ZNF652: variants seen among roughly 807,000 people sequenced by gnomAD.
ZNF652 encodes the protein zinc finger protein 652.
In ZNF652, 16 loss-of-function variants were observed where a neutral mutation model predicts 45.2. That is an observed-to-expected ratio of 0.35 (90% CI 0.24 to 0.54). The LOEUF (loss-of-function observed/expected upper bound fraction) is 0.54. Ranked by LOEUF, ZNF652 falls within the 20% of genes least tolerant of loss-of-function variation. The pLI, the probability that ZNF652 is intolerant of heterozygous loss-of-function variation, is 0.91. For missense variants in ZNF652, 614 were observed against 765.6 expected (o/e 0.80, Z 2.34); for synonymous variants, 250 against 260.6 (o/e 0.96, Z 0.39).
chr17:49,320,074 C>T (rs550788188), intron 1 of ZNF652, among the ~76,000 whole-genome samples: 6 of 151,988 alleles, frequency 3.9e-5, no homozygotes, highest in African/African-American at 7.2e-5. Flanking sequence ...TCAGATATTA[C>T]CTTGTCTTTC....
At chr17:49,358,437 T>C (rs553348602) in intron 1 of ZNF652, among the ~76,000 whole-genome samples, 13 of 152,314 alleles carry the variant, frequency 8.5e-5, no homozygotes, top group African/African-American at 2.9e-4. Flanking sequence ...ATAACAAGTT[T>C]TAAAGGCTAT....
chr17:49,311,242 A>G, intron 5 of ZNF652, 70 bp downstream of exon 5: 3 of 1,467,382 alleles, frequency 2.0e-6, no homozygotes, highest in Non-Finnish European at 1.8e-6. Flanking sequence ...TTTTTTTAAA[A>G]AACAGACCCA....
Position 49,298,434 on chromosome 17 carries a change from G to A in ZNF652, c.1800C>T (p.Asn600=), listed in dbSNP as rs1555624705. The change falls in exon 6 of 6, where the codon AAC becomes AAT. Residue 600 remains asparagine, a synonymous_variant. Coordinates refer to ENST00000430262, the MANE Select transcript of ZNF652 (RefSeq NM_001145365.3). ...GATGTTAATGATGCTGTGCTGAACT[G>A]TTCTTCTCTGCCAGGTGCCGCAGAA... The part of the protein sequence containing the change: ...DNFLRHLAEK[N]SSAQHH 3 of 1,612,820 alleles carry A rather than the reference G, an allele frequency of 1.9e-6. No homozygotes were observed. The highest frequency in any genetic ancestry group is 3.3e-5 in the Admixed American group (2 of 60,010).
chr17:49,323,435 G>A (rs530541402), intron 1 of ZNF652, among the ~76,000 whole-genome samples: 1 of 152,294 alleles, frequency 6.6e-6, no homozygotes, highest in Non-Finnish European at 1.5e-5. Flanking sequence ...AGTCATCCAT[G>A]AGGCTTGGAA....
chr17:49,352,984 T>C (rs2070298295), intron 1 of ZNF652, among the ~76,000 whole-genome samples: 1 of 152,086 alleles, frequency 6.6e-6, no homozygotes, highest in African/African-American at 2.4e-5. Flanking sequence ...ATGAGTGCAA[T>C]GGGACAGTGG....
rs75128743 is a variant in ZNF652, at chr17:49,292,730, G to A, written c.*5683C>T. Among the ~76,000 whole-genome samples, 1,180 of 152,230 alleles carry A rather than the reference G, an allele frequency of 7.8e-3. 22 individuals carry two copies. Among genetic ancestry groups the A allele is most frequent in the African/African-American group, 0.025 (1,031 of 41,524 alleles). The stretch of plus-strand genomic sequence containing the variant: ...AATTTCTGGTGAAAGTAAAAAAAGT[G>A]AAGAGTCAAATAAGGATAAAATCTT... On this transcript the variant is annotated 3_prime_UTR_variant, in exon 6 of 6. Coordinates refer to ENST00000430262, the MANE Select transcript of ZNF652 (RefSeq NM_001145365.3).
chr17:49,347,022 C>G (rs1386420521), intron 1 of ZNF652, among the ~76,000 whole-genome samples: 2 of 152,204 alleles, frequency 1.3e-5, no homozygotes, highest in Non-Finnish European at 2.9e-5. Flanking sequence ...AAATGCCTAT[C>G]TGGCAAAGAT....
intron 1 of ZNF652, among the ~76,000 whole-genome samples, chr17:49,346,588 A>C (rs2070207584): frequency 6.6e-6 from 1 of 152,156 alleles, no homozygotes. Flanking sequence ...ATAGGGCCAC[A>C]TGTTTGTAAA....
In ZNF652 at chr17:49,292,456, CAG is replaced by C. The variant is rs2069416208; in HGVS notation, c.*5955_*5956del. Reference sequence around the variant, plus strand: ...GATGAAAACAGCTAGAAAAAGTAAACAGAAGTTTTTGAGGGACAGGGCCATGA... The same window carrying C: ...GATGAAAACAGCTAGAAAAAGTAAACAAGTTTTTGAGGGACAGGGCCATGA... On this transcript the variant is annotated 3_prime_UTR_variant, in exon 6 of 6. Transcript: ENST00000430262. 6.6e-6 allele frequency among the ~76,000 whole-genome samples: 1 copy of C among 152,166 alleles called. No homozygotes were observed. The highest frequency in any genetic ancestry group is 2.1e-4 in the South Asian group (1 of 4,824).
rs553708327 is a variant in ZNF652 at position 49,318,304 on chromosome 17, T to C, written c.-258-321A>G. 2.6e-4 allele frequency among the ~76,000 whole-genome samples: 39 copies of C among 152,198 alleles called. 1 individual carries two copies. The South Asian group carries it at 7.9e-3, about 31-fold the overall frequency. On this transcript the variant is annotated intron_variant, in intron 1 of 5. Transcript: ENST00000430262. ...TCTTGGCCAGGCTGGTCTTGAACTA[T>C]TGACCTTGTGATCCACCTGTCTGGG...
At chr17:49,359,590 C>A (rs1478056563) in intron 1 of ZNF652, among the ~76,000 whole-genome samples, 1 of 152,170 alleles carries the variant, frequency 6.6e-6, no homozygotes, top group Non-Finnish European at 1.5e-5. Context: ...ACTACCCATT[C>A]CAACACTATC....
chr17:49,342,649 C>A (rs895910830), intron 1 of ZNF652, among the ~76,000 whole-genome samples: 1 of 148,612 alleles, frequency 6.7e-6, no homozygotes, highest in Non-Finnish European at 1.5e-5. Flanking sequence ...TATGAACACA[C>A]ATGTGTATCA....
intron 1 of ZNF652, among the ~76,000 whole-genome samples, chr17:49,350,356 T>C (rs577642052): frequency 5.9e-5 from 9 of 151,910 alleles, no homozygotes; most frequent in Admixed American, 2.0e-4. Flanking sequence ...CTGGCCAACA[T>C]GGCAAAATCC....
At chr17:49,350,992 TATATATATATATATATATATATACAC>T (rs71144598) in intron 1 of ZNF652, among the ~76,000 whole-genome samples, 1 of 20,016 alleles carries the variant, frequency 5.0e-5, no homozygotes, top group African/African-American at 2.3e-4. Flanking sequence ...TATATATATA[TATATATATATATATATATATATACAC>T]ACACACACAC....
rs2069719228 is a variant in ZNF652, at chr17:49,312,028, T to C, written c.1063A>G (p.Met355Val). 14 of 1,613,498 alleles carry C rather than the reference T, an allele frequency of 8.7e-6. No homozygotes were observed. The highest frequency in any genetic ancestry group is 1.0e-5 in the Non-Finnish European group (12 of 1,179,508). ...CCACAGGTTTCGCATGTAAATGGCA[T>C]GTCTTTTGTGTGTGCTGCAACACAG... ...RKHMVAHTKD[M>V]PFTCETCGKS... is the part of the protein sequence containing the mutation. Residue 355 changes from methionine to valine, a missense_variant, in exon 4 of 6, where the codon ATG becomes GTG. By Grantham distance (21) the Met-to-Val change is conservative (BLOSUM62 1). Around this residue, in one of 5 missense-constraint regions of ZNF652, gnomAD observed 262 missense variants for 306.3 expected, o/e 0.86. Coordinates refer to ENST00000430262, the MANE Select transcript of ZNF652 (RefSeq NM_001145365.3).
In ZNF652 at chr17:49,362,139, AGCGCGCGAGG is replaced by A. The variant is rs2070405931; in HGVS notation, c.-499_-490del. The A allele has an allele frequency of 6.7e-6, 1 of 148,264 alleles. No homozygotes were observed. The highest frequency in any genetic ancestry group is 2.5e-5 in the African/African-American group (1 of 40,336). The allele number at this position is 148,264 out of a possible 1,614,324, so 9.2% of individuals were successfully genotyped here. A position where few individuals can be genotyped will look rare whatever the true frequency, so the allele number is the denominator to read the frequency against. On this transcript the variant is annotated 5_prime_UTR_variant, in exon 1 of 6. Coordinates refer to ENST00000430262, the MANE Select transcript of ZNF652 (RefSeq NM_001145365.3). ...TCCGACGTCTCGCGACTCCCTTCCC[AGCGCGCGAGG>A]GCGAGCGGGGCCGGCGGGGCGGGCA...
intron 2 of ZNF652, among the ~76,000 whole-genome samples, chr17:49,313,686 T>C (rs2069750638): frequency 6.6e-6 from 1 of 151,848 alleles, no homozygotes; most frequent in African/African-American, 2.4e-5. Flanking sequence ...AGAAAATGCA[T>C]TTGGAGCCAG....
At chr17:49,302,449 C>T (rs747048556) in intron 5 of ZNF652, among the ~76,000 whole-genome samples, 5 of 150,756 alleles carry the variant, frequency 3.3e-5, no homozygotes, top group Admixed American at 6.6e-5. Flanking sequence ...CCACCACACC[C>T]GGCTAATTTT....
intron 1 of ZNF652, among the ~76,000 whole-genome samples, chr17:49,328,062 A>G (rs2143840955): frequency 6.6e-6 from 1 of 152,106 alleles, no homozygotes; most frequent in Admixed American, 6.6e-5. Context: ...TTTTCTGTAT[A>G]TGTACAATGG....
Sources: gnomAD v4.1 joint callset for allele counts (sites outside exome capture counted in the v4.1 genomes callset) on GRCh38, gnomAD v4.1.1 for gene constraint, gnomAD v4.1.1 regional missense constraint, MANE v1.5 for transcripts, NCBI Gene and HGNC (gene_info 2026-07-23, HGNC 2026-07-21) for gene names.